SLC3A1: variants seen among roughly 807,000 people sequenced by gnomAD.
SLC3A1 encodes the protein amino acid transporter heavy chain SLC3A1.
A neutral mutation model predicts 60.3 loss-of-function variants in SLC3A1; 78 were observed. That is an observed-to-expected ratio of 1.29 (90% CI 1.08 to 1.56). The LOEUF is 1.56. SLC3A1 is among the 40% of genes most tolerant of loss of function. The probability of loss-of-function intolerance (pLI) is 0.00; values close to 1 mark genes in which losing one functional copy is unlikely to be tolerated. For missense variants in SLC3A1, 1,172 were observed against 858.9 expected (o/e 1.36, Z -4.56); for synonymous variants, 392 against 307.9 (o/e 1.27, Z -2.86).
chr2:44,310,969 A>AT (rs1385872796), intron 7 of SLC3A1, among the ~76,000 whole-genome samples: 6 of 151,590 alleles, frequency 4.0e-5, no homozygotes, highest in African/African-American at 7.3e-5. Flanking sequence ...TAAATTTTTA[A>AT]TTTTTTTGTA....
intron 4 of SLC3A1, among the ~76,000 whole-genome samples, chr2:44,296,207 G>A (rs1279790195): frequency 3.9e-5 from 6 of 152,142 alleles, no homozygotes; most frequent in Non-Finnish European, 8.8e-5. Flanking sequence ...CCTCCCCAGG[G>A]TGAATTGCTG....
At chr2:44,281,315 C>A in intron 2 of SLC3A1, 72 bp from the exon 3 acceptor site, 1 of 1,353,632 alleles carries the variant, frequency 7.4e-7, no homozygotes, top group Non-Finnish European at 1.1e-6. Context: ...TTAGCCATTA[C>A]TGTGCCTGGC....
intron 6 of SLC3A1, chr2:44,303,812 T>G (rs1196535610): frequency 6.4e-6 from 3 of 469,734 alleles, no homozygotes; most frequent in Admixed American, 3.4e-5. Flanking sequence ...CTCCCACCTA[T>G]GAGTGAGAAC....
At chr2:44,315,131 C>A (rs1049451906) in intron 9 of SLC3A1, 2 of 151,632 alleles carry the variant, frequency 1.3e-5, no homozygotes, top group Admixed American at 6.6e-5. Flanking sequence ...TTAGTGGAGA[C>A]GGGGTTTCAC....
intron 6 of SLC3A1, chr2:44,303,870 G>C (rs1672082186): frequency 6.9e-6 from 4 of 579,062 alleles, no homozygotes; most frequent in Middle Eastern, 4.6e-4. Context: ...TTAGAATGAT[G>C]GTTTCCAGCT....
chr2:44,320,130 T>A (rs1344130438), intron 9 of SLC3A1, 69 bp from the exon 10 acceptor site: 19 of 1,370,374 alleles, frequency 1.4e-5, no homozygotes, highest in Non-Finnish European at 1.9e-5. Flanking sequence ...CTCCTTACAA[T>A]ATATTAAAAA....
chr2:44,284,305 C>G (rs376669645), intron 3 of SLC3A1, among the ~76,000 whole-genome samples: 1 of 152,108 alleles, frequency 6.6e-6, no homozygotes, highest in Non-Finnish European at 1.5e-5. Flanking sequence ...GTCTTGAACT[C>G]CTGACCTTGT....
chr2:44,277,416 C>T (rs941549022), intron 1 of SLC3A1, among the ~76,000 whole-genome samples: 3 of 152,108 alleles, frequency 2.0e-5, no homozygotes. Context: ...CTGTATCATT[C>T]TCGTTTTAAA....
intron 6 of SLC3A1, among the ~76,000 whole-genome samples, chr2:44,301,727 A>G (rs1375196500): frequency 4.5e-5 from 6 of 132,416 alleles, no homozygotes; most frequent in Non-Finnish European, 9.5e-5. Context: ...CGACAGAGCG[A>G]GACTCCATCA....
intron 6 of SLC3A1, 135 bp from the exon 7 acceptor site, chr2:44,304,008 G>A: frequency 1.3e-6 from 1 of 754,852 alleles, no homozygotes; most frequent in Non-Finnish European, 2.4e-6. Context: ...ATGCTTTCTA[G>A]AAGGTGCTAG....
rs1207300003 is a variant in SLC3A1, at chr2:44,313,942, G to A, written c.1608G>A (p.Val536=). 1.9e-6 allele frequency: 3 copies of A among 1,613,964 alleles called. No individual in the cohort carries two copies. Among genetic ancestry groups the A allele is most frequent in the Non-Finnish European group, 2.5e-6 (3 of 1,179,996 alleles). Residue 536 remains valine (V), a synonymous_variant, in exon 9 of 10, where the codon GTG becomes GTA. Transcript: ENST00000260649. ...CTACCAATTCAGATTACCACACTGT[G>A]AATGTTGATGTAAGTATCAGTGAAA... ...WLPTNSDYHT[V]NVDVQKTQPR... is the part of the protein sequence containing the mutation.
downstream of SLC3A1, chr2:44,321,571 T>C: frequency 2.0e-6 from 3 of 1,498,936 alleles, no homozygotes; most frequent in Non-Finnish European, 2.7e-6. Context: ...AAGAATACTT[T>C]CATTCGAGAG....
chr2:44,309,011 C>T lies in SLC3A1; in HGVS notation c.1333-3575C>T, dbSNP rs192513857. 2.5e-3 allele frequency among the ~76,000 whole-genome samples: 385 copies of T among 152,200 alleles called. 2 individuals carry two copies. The highest frequency in any genetic ancestry group is 8.8e-3 in the African/African-American group (367 of 41,520). On this transcript the variant is annotated intron_variant, in intron 7 of 9. Coordinates refer to ENST00000260649, the MANE Select transcript of SLC3A1 (RefSeq NM_000341.4). The stretch of plus-strand genomic sequence containing the variant: ...CCTCCCAAAGTGCTGGGATTACAGG[C>T]GTGAGCTACTGTGCCTGGCCTTCTG...
chr2:44,300,149 T>G (rs2104362795), intron 5 of SLC3A1, 59 bp downstream of exon 5: 8 of 1,566,372 alleles, frequency 5.1e-6, no homozygotes, highest in Non-Finnish European at 7.0e-6. Context: ...ATCAGAGTGT[T>G]TTCTTTCTCA....
intron 7 of SLC3A1, among the ~76,000 whole-genome samples, chr2:44,310,797 A>G (rs1047298457): frequency 6.7e-6 from 1 of 150,344 alleles, no homozygotes; most frequent in African/African-American, 2.4e-5. Flanking sequence ...CAGGTCTCTG[A>G]GAGTCTGGTT....
At chr2:44,318,460 A>G (rs1672623366) in intron 9 of SLC3A1, 2 of 174,594 alleles carry the variant, frequency 1.1e-5, no homozygotes, top group East Asian at 1.8e-4. Flanking sequence ...AACCAGTTCT[A>G]TCAACTATGG....
chr2:44,303,374 G>A (rs1486234697), intron 6 of SLC3A1, among the ~76,000 whole-genome samples: 6 of 150,808 alleles, frequency 4.0e-5, no homozygotes, highest in Admixed American at 4.0e-4. Context: ...CTTCCGAGTA[G>A]CTGGGATTAC....
chr2:44,280,952 C>T (rs1671483432), intron 2 of SLC3A1, 57 bp downstream of exon 2: 1 of 1,437,400 alleles, frequency 7.0e-7, no homozygotes, highest in East Asian at 2.3e-5. Flanking sequence ...AGCACTTTTT[C>T]AAATGTTTAC....
At chr2:44,296,902 C>T (rs991856379) in intron 4 of SLC3A1, among the ~76,000 whole-genome samples, 1 of 152,170 alleles carries the variant, frequency 6.6e-6, no homozygotes, top group African/African-American at 2.4e-5. Context: ...TTCTTCTGCA[C>T]AAACTCTCTC....
Sources: gnomAD v4.1 joint callset for allele counts (sites outside exome capture counted in the v4.1 genomes callset) on GRCh38, gnomAD v4.1.1 for gene constraint, MANE v1.5 for transcripts, NCBI Gene and HGNC (gene_info 2026-07-23, HGNC 2026-07-21) for gene names.